CSMD1: variants seen among roughly 807,000 people sequenced by gnomAD.
CSMD1 encodes CUB and sushi domain-containing protein 1.
CSMD1 carries 213 observed loss-of-function variants against 417.5 expected under a neutral mutation model. That is an observed-to-expected ratio of 0.51 (90% CI 0.46 to 0.57). The LOEUF is 0.57. Ranked by LOEUF, CSMD1 falls within the 20% of genes least tolerant of loss-of-function variation. The pLI is 0.00. For synonymous variants in CSMD1, 2,862 were observed against 1,736.8 expected, an observed-to-expected ratio of 1.65 and a Z score of -16.11; for missense variants, 6,923 against 4,529.7, an observed-to-expected ratio of 1.53 and a Z score of -15.17.
chr8:4,312,006 G>A (rs1478166610), intron 3 of CSMD1, among the ~76,000 whole-genome samples: 1 of 151,984 alleles, frequency 6.6e-6, no homozygotes, highest in Non-Finnish European at 1.5e-5. Flanking sequence ...AAAAAGAAAT[G>A]CATTGCTATG....
intron 29 of CSMD1, among the ~76,000 whole-genome samples, chr8:3,216,637 T>C (rs1797896460): frequency 6.6e-6 from 1 of 152,242 alleles, no homozygotes; most frequent in Admixed American, 6.5e-5. Context: ...CACTTCAGGA[T>C]GTTCCGTGAT....
chr8:4,436,208 T>C (rs373132880), intron 2 of CSMD1, among the ~76,000 whole-genome samples: 3 of 152,194 alleles, frequency 2.0e-5, no homozygotes, highest in Admixed American at 1.3e-4. Context: ...AGGCTTCTTA[T>C]GCCTCATATT....
intron 10 of CSMD1, among the ~76,000 whole-genome samples, chr8:3,533,883 C>G (rs1798081995): frequency 6.6e-6 from 1 of 152,176 alleles, no homozygotes; most frequent in African/African-American, 2.4e-5. Flanking sequence ...CGAAATCTTT[C>G]AGATGTATCA....
chr8:4,456,968 TGA>T (rs1298411173), intron 2 of CSMD1, among the ~76,000 whole-genome samples: 6 of 118,826 alleles, frequency 5.0e-5, no homozygotes, highest in African/African-American at 1.8e-4. Flanking sequence ...GAGATTTTGA[TGA>T]GTGTGGTTTT....
At chr8:4,910,998 T>A (rs1805630848) in intron 1 of CSMD1, among the ~76,000 whole-genome samples, 1 of 152,130 alleles carries the variant, frequency 6.6e-6, no homozygotes, top group Non-Finnish European at 1.5e-5. Flanking sequence ...AAGGGGGAAT[T>A]TCCCTACAAA....
At chr8:3,504,295 AAG>A (rs1380714142) in intron 10 of CSMD1, among the ~76,000 whole-genome samples, 4 of 152,180 alleles carry the variant, frequency 2.6e-5, no homozygotes, top group Admixed American at 1.3e-4. Flanking sequence ...ACACTGACAA[AAG>A]AGAGAGTCTG....
intron 2 of CSMD1, among the ~76,000 whole-genome samples, chr8:4,511,745 A>G (rs529537849): frequency 6.6e-6 from 1 of 152,308 alleles, no homozygotes; most frequent in African/African-American, 2.4e-5. Flanking sequence ...GAACTCAGTC[A>G]TTAGGGGGCC....
At chr8:2,975,864 G>T (rs1804867441) in intron 55 of CSMD1, among the ~76,000 whole-genome samples, 2 of 152,080 alleles carry the variant, frequency 1.3e-5, no homozygotes, top group African/African-American at 4.8e-5. Flanking sequence ...CCCGGAAAAG[G>T]AGAGCCAGCT....
intron 1 of CSMD1, among the ~76,000 whole-genome samples, chr8:4,712,939 T>C (rs959001437): frequency 6.6e-6 from 1 of 152,184 alleles, no homozygotes; most frequent in Non-Finnish European, 1.5e-5. Flanking sequence ...AGTCTCGCAA[T>C]TAGAAAAAGG....
intron 1 of CSMD1, among the ~76,000 whole-genome samples, chr8:4,639,383 C>A (rs1433507286): frequency 6.6e-6 from 1 of 151,818 alleles, no homozygotes; most frequent in East Asian, 1.9e-4. Context: ...TGGAAGTGTG[C>A]TCTCATAAAC....
intron 1 of CSMD1, among the ~76,000 whole-genome samples, chr8:4,653,643 C>G (rs997267276): frequency 6.6e-6 from 1 of 152,066 alleles, no homozygotes; most frequent in Non-Finnish European, 1.5e-5. Context: ...GCAGCGGGTT[C>G]CTGATCTCAT....
chr8:4,832,674 C>G (rs1469213524), intron 1 of CSMD1, among the ~76,000 whole-genome samples: 1 of 152,084 alleles, frequency 6.6e-6, no homozygotes, highest in African/African-American at 2.4e-5. Flanking sequence ...ATATTTCTCA[C>G]AAAGAAAACT....
intron 3 of CSMD1, among the ~76,000 whole-genome samples, chr8:4,340,512 T>A (rs975396321): frequency 1.3e-5 from 2 of 152,090 alleles, no homozygotes; most frequent in East Asian, 3.9e-4. Flanking sequence ...ATGTCATGGT[T>A]AGACTTTATT....
intron 41 of CSMD1, chr8:3,128,095 C>A (rs1817604768): frequency 1.3e-5 from 2 of 152,094 alleles, no homozygotes; most frequent in Admixed American, 6.5e-5. Flanking sequence ...ATCTAAGTAT[C>A]AATAAGCCCA....
intron 44 of CSMD1, 33 bp downstream of exon 44, chr8:3,108,570 C>G (rs1305712812): frequency 3.1e-6 from 5 of 1,609,098 alleles, no homozygotes; most frequent in Middle Eastern, 3.3e-4. Flanking sequence ...ATGGAATTCT[C>G]AGTCTTAACT....
chr8:3,670,927 T>A (rs1326668026), intron 7 of CSMD1, among the ~76,000 whole-genome samples: 1 of 147,292 alleles, frequency 6.8e-6, no homozygotes, highest in Non-Finnish European at 1.5e-5. Flanking sequence ...TATATGTATA[T>A]GGGATATATA....
chr8:3,407,784 T>C, intron 14 of CSMD1, 115 bp downstream of exon 14: 1 of 886,160 alleles, frequency 1.1e-6, no homozygotes, highest in Non-Finnish European at 1.7e-6. Flanking sequence ...TTCATAATGA[T>C]TATAAAACCT....
chr8:4,061,336 C>T (rs1798962933), intron 3 of CSMD1, among the ~76,000 whole-genome samples: 1 of 152,090 alleles, frequency 6.6e-6, no homozygotes, highest in South Asian at 2.1e-4. Flanking sequence ...ACTAAAAATT[C>T]AGAGACAAAG....
chr8:4,659,769 G>A (rs1017779559), intron 1 of CSMD1, among the ~76,000 whole-genome samples: 2 of 152,042 alleles, frequency 1.3e-5, no homozygotes, highest in African/African-American at 4.8e-5. Flanking sequence ...ATTTGTTCCT[G>A]AGAATGCTTA....
Sources: allele counts gnomAD v4.1 joint callset (sites outside exome capture counted in the v4.1 genomes callset), GRCh38; gene constraint gnomAD v4.1.1; transcripts MANE v1.5; gene names NCBI Gene and HGNC (gene_info 2026-07-23, HGNC 2026-07-21).